BCL2: variants seen among roughly 807,000 people sequenced by gnomAD.
BCL2 encodes the protein BCL2 apoptosis regulator.
Under a neutral mutation model 14.2 loss-of-function variants are expected in BCL2, and 1 was observed. The ratio of observed to expected loss-of-function variants is 0.07; its 90% CI spans 0.02 to 0.33. BCL2 has a LOEUF of 0.33. Ranked by LOEUF, BCL2 falls within the 10% of genes least tolerant of loss-of-function variation. The pLI is 0.99. For synonymous variants in BCL2, 151 were observed against 137.2 expected (o/e 1.10, Z -0.70); for missense variants, 247 against 305.9 (o/e 0.81, Z 1.44).
chr18:63,168,515 G>A (rs2144626478), intron 2 of BCL2, among the ~76,000 whole-genome samples: 1 of 152,298 alleles, frequency 6.6e-6, no homozygotes, highest in Non-Finnish European at 1.5e-5. Context: ...TTCTTTGCTG[G>A]CTGCAGTTCT....
At chr18:63,177,635 T>G (rs1292514264) in intron 2 of BCL2, among the ~76,000 whole-genome samples, 1 of 152,256 alleles carries the variant, frequency 6.6e-6, no homozygotes, top group Non-Finnish European at 1.5e-5. Context: ...TGGAGGCACC[T>G]AGCACAAGGT....
In BCL2 at chr18:63,319,445, G is replaced by A; in HGVS notation, c.-558C>T. The A allele has an allele frequency of 4.4e-6, 1 of 229,502 alleles. No individual in the cohort carries two copies. The highest frequency in any genetic ancestry group is 8.6e-6 in the Non-Finnish European group (1 of 115,786). The allele number at this position is 229,502 out of a possible 1,614,324, so 14.2% of individuals were successfully genotyped here. ...TCGAGAAAAAAAAAAGGCAGCGGCG[G>A]CGGCAGATGAATTACAATTTTCAGT... On this transcript the variant is annotated 5_prime_UTR_variant, in exon 1 of 3. Transcript: ENST00000333681.
chr18:63,184,234 G>A (rs1302814068), intron 2 of BCL2, among the ~76,000 whole-genome samples: 1 of 152,198 alleles, frequency 6.6e-6, no homozygotes, highest in Non-Finnish European at 1.5e-5. Flanking sequence ...GCTTGACACC[G>A]ACCCACTCTT....
intron 2 of BCL2, among the ~76,000 whole-genome samples, chr18:63,140,768 C>G (rs529575770): frequency 6.6e-6 from 1 of 152,138 alleles, no homozygotes; most frequent in Non-Finnish European, 1.5e-5. Context: ...AAAACCAATG[C>G]GCTGATCACT....
chr18:63,274,715 C>T (rs1180515416), intron 2 of BCL2, among the ~76,000 whole-genome samples: 3 of 152,140 alleles, frequency 2.0e-5, no homozygotes, highest in African/African-American at 7.2e-5. Flanking sequence ...CTTCCACCTG[C>T]CGCGGAGGAC....
In BCL2 at chr18:63,203,839, G is replaced by T. The variant is rs367765941; in HGVS notation, c.586-75080C>A. ...AAGTATTGTTATAACAGACATACTTGTATTTCTTCAAATAATGTACACATT... is the reference window on the plus strand; with the variant it reads ...AAGTATTGTTATAACAGACATACTTTTATTTCTTCAAATAATGTACACATT... On this transcript the variant is annotated intron_variant, in intron 2 of 2. Transcript: ENST00000333681. Among the ~76,000 whole-genome samples the T allele has an allele frequency of 1.8e-4, 28 of 152,282 alleles. 1 individual carries two copies. The highest frequency in any genetic ancestry group is 6.5e-4 in the African/African-American group (27 of 41,558).
intron 2 of BCL2, among the ~76,000 whole-genome samples, chr18:63,284,265 G>A (rs1271236978): frequency 6.6e-6 from 1 of 152,172 alleles, no homozygotes; most frequent in Non-Finnish European, 1.5e-5. Context: ...GGTAGAAGAA[G>A]GTAGACAGGA....
intron 2 of BCL2, among the ~76,000 whole-genome samples, chr18:63,300,754 C>T (rs930113571): frequency 6.6e-6 from 1 of 152,172 alleles, no homozygotes; most frequent in African/African-American, 2.4e-5. Context: ...AGCGAGAACT[C>T]CAGGAGCCGT....
chr18:63,129,217 T>C (rs1449855430), intron 2 of BCL2, among the ~76,000 whole-genome samples: 2 of 152,136 alleles, frequency 1.3e-5, no homozygotes, highest in East Asian at 1.9e-4. Flanking sequence ...ACCGTCACAC[T>C]CCTCGATTGA....
At chr18:63,301,332 A>G (rs1912955076) in intron 2 of BCL2, among the ~76,000 whole-genome samples, 1 of 152,244 alleles carries the variant, frequency 6.6e-6, no homozygotes, top group Non-Finnish European at 1.5e-5. Context: ...TTATGTAACA[A>G]AGTAAATGTG....
At chr18:63,210,422 T>C (rs577732237) in intron 2 of BCL2, among the ~76,000 whole-genome samples, 1 of 152,322 alleles carries the variant, frequency 6.6e-6, no homozygotes, top group South Asian at 2.1e-4. Context: ...TAGCTCTGAG[T>C]CTTTATAATC....
intron 2 of BCL2, among the ~76,000 whole-genome samples, chr18:63,291,662 T>G (rs1174703302): frequency 1.3e-5 from 2 of 151,528 alleles, no homozygotes; most frequent in Non-Finnish European, 2.9e-5. Context: ...TTGAGTTACT[T>G]AGTTTAGTTG....
At chr18:63,218,101 T>G (rs1335492318) in intron 2 of BCL2, among the ~76,000 whole-genome samples, 3 of 152,190 alleles carry the variant, frequency 2.0e-5, no homozygotes, top group African/African-American at 4.8e-5. Flanking sequence ...GTGGTGTGTT[T>G]TCTTCCGTCT....
intron 2 of BCL2, among the ~76,000 whole-genome samples, chr18:63,133,911 C>T (rs1309540780): frequency 6.6e-6 from 1 of 152,150 alleles, no homozygotes; most frequent in Non-Finnish European, 1.5e-5. Context: ...AAATAGATGA[C>T]TGACAGCGCG....
intron 2 of BCL2, among the ~76,000 whole-genome samples, chr18:63,163,620 G>T (rs1914975473): frequency 6.6e-6 from 1 of 152,186 alleles, no homozygotes; most frequent in African/African-American, 2.4e-5. Flanking sequence ...AGGAAGTTAT[G>T]TGGAGAGGAA....
chr18:63,137,770 C>T (rs1914246993), intron 2 of BCL2, among the ~76,000 whole-genome samples: 1 of 152,188 alleles, frequency 6.6e-6, no homozygotes, highest in Non-Finnish European at 1.5e-5. Flanking sequence ...GTCAAGGAGA[C>T]TGCTGCTATG....
chr18:63,177,051 G>C (rs927002810), intron 2 of BCL2, among the ~76,000 whole-genome samples: 1 of 151,526 alleles, frequency 6.6e-6, no homozygotes, highest in Admixed American at 6.6e-5. Context: ...CGAGTAGCTG[G>C]GACCACAGGT....
intron 2 of BCL2, among the ~76,000 whole-genome samples, chr18:63,216,078 A>G (rs1910192801): frequency 6.6e-6 from 1 of 152,100 alleles, no homozygotes; most frequent in African/African-American, 2.4e-5. Flanking sequence ...CTATCAACAT[A>G]TTAACAATAG....
chr18:63,129,226 G>A (rs935693665), intron 2 of BCL2, among the ~76,000 whole-genome samples: 1 of 152,036 alleles, frequency 6.6e-6, no homozygotes, highest in African/African-American at 2.4e-5. Flanking sequence ...CTCCTCGATT[G>A]AGTGTTGACA....
Sources: gnomAD v4.1 joint callset for allele counts (sites outside exome capture counted in the v4.1 genomes callset) on GRCh38, gnomAD v4.1.1 for gene constraint, MANE v1.5 for transcripts, NCBI Gene and HGNC (gene_info 2026-07-23, HGNC 2026-07-21) for gene names.